TAFA5: variants seen among roughly 807,000 people sequenced by gnomAD.
TAFA5 encodes the protein TAFA chemokine like family member 5.
In TAFA5, 6 loss-of-function variants were observed where a neutral mutation model predicts 15.3. The ratio of observed to expected loss-of-function variants is 0.39; its 90% confidence interval spans 0.21 to 0.77. The LOEUF (loss-of-function observed/expected upper bound fraction) is 0.77. Ranked by LOEUF, TAFA5 falls within the 30% of genes least tolerant of loss-of-function variation. The pLI, the probability that TAFA5 is intolerant of heterozygous loss-of-function variation, is 0.41. For missense variants in TAFA5, 161 were observed against 193.1 expected (o/e 0.83, Z 0.98); for synonymous variants, 103 against 80.7 (o/e 1.28, Z -1.48).
intron 1 of TAFA5, among the ~76,000 whole-genome samples, chr22:48,595,637 G>A (rs28670463): frequency 0.27 from 41,195 of 152,240 alleles, 5,867 homozygotes; most frequent in South Asian, 0.34. Context: ...GCTGCCACAC[G>A]CAGTGCAGCG....
Position 48,577,790 on chromosome 22 carries a change from G to C in TAFA5, c.113-68807G>C, listed in dbSNP as rs555227833. Among the ~76,000 whole-genome samples the C allele has an allele frequency of 2.6e-5, 4 of 152,316 alleles. No homozygotes were observed. In the East Asian group the frequency reaches 7.7e-4, roughly 29 times the overall value. ...GAGGGCCAGGTCTGAAGGGAGAGTA[G>C]GCTACCCCAGGACTCTGCTGCGGGC... On this transcript the variant is annotated intron_variant, in intron 1 of 3. Transcript: ENST00000402357.
intron 1 of TAFA5, among the ~76,000 whole-genome samples, chr22:48,496,770 G>A (rs150153871): frequency 2.0e-4 from 31 of 152,308 alleles, no homozygotes; most frequent in African/African-American, 7.0e-4. Context: ...CAGGGGCCCT[G>A]GTTTCCTGGG....
At chr22:48,704,788 CCGT>C (rs149915151) in intron 2 of TAFA5, among the ~76,000 whole-genome samples, 42,144 of 151,850 alleles carry the variant, frequency 0.28, 5,947 homozygotes, top group African/African-American at 0.31. Context: ...GCTCAGGCTG[CCGT>C]AGCAAAACTC....
At position 48,530,507 on chromosome 22, in the gene TAFA5, G is replaced by T. The variant is rs1383036889; in HGVS notation, c.112+40803G>T. 6.6e-6 allele frequency among the ~76,000 whole-genome samples: 1 copy of T among 152,180 alleles called. No individual in the cohort carries two copies. Among genetic ancestry groups the T allele is most frequent in the East Asian group, 1.9e-4 (1 of 5,174 alleles). On this transcript the variant is annotated intron_variant, in intron 1 of 3. Transcript: ENST00000402357. This position sits in a 1 kb window ranked among gnomAD's most constrained non-coding sequence, Gnocchi z 6.0. ...GATGGTTCAGGGGAACCTGCTGCAG[G>T]TTTACAGAGAGAGAAGCTGAGGCCC...
intron 1 of TAFA5, among the ~76,000 whole-genome samples, chr22:48,562,973 C>T (rs890510260): frequency 3.3e-5 from 5 of 152,222 alleles, no homozygotes; most frequent in Admixed American, 6.5e-5. Context: ...GAGGCCCTGG[C>T]GGAGCTGCAG....
chr22:48,656,368 T>C (rs921569548), intron 2 of TAFA5, among the ~76,000 whole-genome samples: 1 of 151,940 alleles, frequency 6.6e-6, no homozygotes, highest in East Asian at 2.0e-4. Context: ...GAGCTGGCTG[T>C]GGTGGCAGGT....
rs150376136 is a variant in TAFA5 at position 48,683,211 on chromosome 22, G to A, written c.263-24506G>A. ...CAGACACACACACACTCGGGGCACAGTGATGCAGGAGTGACCTCGGACAGG... is the reference window on the plus strand; with the variant it reads ...CAGACACACACACACTCGGGGCACAATGATGCAGGAGTGACCTCGGACAGG... On this transcript the variant is annotated intron_variant, in intron 2 of 3. Coordinates refer to ENST00000402357, the MANE Select transcript of TAFA5 (RefSeq NM_001082967.3). Among the ~76,000 whole-genome samples, 129 of 152,292 alleles carry A rather than the reference G, an allele frequency of 8.5e-4. 1 individual carries two copies. Among genetic ancestry groups the A allele is most frequent in the African/African-American group, 3.1e-3 (127 of 41,556 alleles).
chr22:48,514,165 A>G (rs1921321435), intron 1 of TAFA5, among the ~76,000 whole-genome samples: 1 of 151,238 alleles, frequency 6.6e-6, no homozygotes, highest in African/African-American at 2.4e-5. Flanking sequence ...GCCGCTGCAT[A>G]TATGAGTGGG....
intron 1 of TAFA5, among the ~76,000 whole-genome samples, chr22:48,519,834 C>T (rs930270605): frequency 2.6e-5 from 4 of 152,196 alleles, no homozygotes; most frequent in African/African-American, 9.6e-5. Flanking sequence ...AGTCACCTAA[C>T]CTCTCTGTGC....
rs1388266742 is a variant in TAFA5, at chr22:48,490,541, C to A, written c.112+837C>A. On this transcript the variant is annotated intron_variant, in intron 1 of 3. Coordinates refer to ENST00000402357, the MANE Select transcript of TAFA5 (RefSeq NM_001082967.3). This position sits in a 1 kb window ranked among gnomAD's most constrained non-coding sequence, Gnocchi z 5.8. ...GAGTCCCGGGTGCAGACTCCAGCCTCGGCGCTGGGGAGGGTGCTCAGCATC... is the reference window on the plus strand; with the variant it reads ...GAGTCCCGGGTGCAGACTCCAGCCTAGGCGCTGGGGAGGGTGCTCAGCATC... Among the ~76,000 whole-genome samples the A allele has an allele frequency of 6.6e-6, 1 of 151,584 alleles. No homozygotes were observed. The highest frequency in any genetic ancestry group is 2.4e-5 in the African/African-American group (1 of 41,240).
At chr22:48,608,828 G>C (rs1418325920) in intron 1 of TAFA5, among the ~76,000 whole-genome samples, 1 of 152,230 alleles carries the variant, frequency 6.6e-6, no homozygotes, top group Non-Finnish European at 1.5e-5. Flanking sequence ...GCAGGCACCC[G>C]ACGCTCGGGA....
At chr22:48,546,861 G>T (rs758360745) in intron 1 of TAFA5, 1 of 290,096 alleles carries the variant, frequency 3.4e-6, no homozygotes, top group Non-Finnish European at 6.9e-6. Context: ...GGACGATTGC[G>T]GATGGCCACA....
chr22:48,616,989 A>G (rs1324255587), intron 1 of TAFA5, among the ~76,000 whole-genome samples: 1 of 152,042 alleles, frequency 6.6e-6, no homozygotes, highest in Non-Finnish European at 1.5e-5. Flanking sequence ...GCGAGAAACA[A>G]AACCAGGGCT....
chr22:48,500,436 T>G (rs892090923), intron 1 of TAFA5, among the ~76,000 whole-genome samples: 1 of 152,224 alleles, frequency 6.6e-6, no homozygotes, highest in Non-Finnish European at 1.5e-5. Flanking sequence ...GACGGGTCAC[T>G]TGGGCCACTG....
intron 1 of TAFA5, among the ~76,000 whole-genome samples, chr22:48,579,395 G>T (rs1923947188): frequency 6.6e-6 from 1 of 152,184 alleles, no homozygotes; most frequent in South Asian, 2.1e-4. Context: ...CTCTGGGAGG[G>T]GAGAGCCGTC....
intron 3 of TAFA5, among the ~76,000 whole-genome samples, chr22:48,747,219 G>A (rs749246181): frequency 1.3e-5 from 2 of 152,218 alleles, no homozygotes; most frequent in Non-Finnish European, 2.9e-5. Context: ...AGCTCAGGAC[G>A]CCTGCTGGGA....
intron 1 of TAFA5, among the ~76,000 whole-genome samples, chr22:48,646,362 A>C (rs1429126670): frequency 6.6e-6 from 1 of 152,230 alleles, no homozygotes; most frequent in East Asian, 1.9e-4. Context: ...CCACCGCCTG[A>C]ACACCAGGCT....
In TAFA5 at chr22:48,507,250, G is replaced by A. The variant is rs924675160; in HGVS notation, c.112+17546G>A. Among the ~76,000 whole-genome samples the A allele has an allele frequency of 1.1e-4, 17 of 150,704 alleles. 1 individual carries two copies. The highest frequency in any genetic ancestry group is 2.4e-4 in the African/African-American group (10 of 40,884). ...GAAGGAGACAGTCATCAAGGGCCAG[G>A]TGTGCAGTTGGAGGAGAAGGAGACA... is the stretch of plus-strand genomic sequence containing the variant. On this transcript the variant is annotated intron_variant, in intron 1 of 3. Coordinates refer to ENST00000402357, the MANE Select transcript of TAFA5 (RefSeq NM_001082967.3).
At chr22:48,616,021 C>G (rs73173456) in intron 1 of TAFA5, among the ~76,000 whole-genome samples, 4 of 152,086 alleles carry the variant, frequency 2.6e-5, no homozygotes, top group African/African-American at 9.7e-5. Context: ...CAGGCACGTC[C>G]CTACTGGTTC....
Sources: allele counts gnomAD v4.1 joint callset (sites outside exome capture counted in the v4.1 genomes callset), GRCh38; gene constraint gnomAD v4.1.1; non-coding constraint Gnocchi (gnomAD v3.1); transcripts MANE v1.5; gene names NCBI Gene and HGNC (gene_info 2026-07-23, HGNC 2026-07-21).